The following SLC39A12 variants were observed in gnomAD, a reference collection of about 807,000 sequenced individuals.
SLC39A12 encodes solute carrier family 39 member 12, also known as zinc transporter ZIP12.
A neutral mutation model predicts 71.1 loss-of-function variants in SLC39A12; 63 were observed. That is an observed-to-expected ratio of 0.89 (90% CI 0.72 to 1.09). The LOEUF (loss-of-function observed/expected upper bound fraction) is 1.09. Among genes scored for constraint, SLC39A12 ranks in the 50% least tolerant of loss-of-function variants. The pLI, the probability that SLC39A12 is intolerant of heterozygous loss-of-function variation, is 0.00. For synonymous variants in SLC39A12, 351 were observed against 301.3 expected, an observed-to-expected ratio of 1.16 and a Z score of -1.71; for missense variants, 892 against 812.6, an observed-to-expected ratio of 1.10 and a Z score of -1.19.
At chr10:17,994,237 C>G (rs1321669743) in intron 9 of SLC39A12, among the ~76,000 whole-genome samples, 1 of 152,110 alleles carries the variant, frequency 6.6e-6, no homozygotes, top group East Asian at 1.9e-4. Context: ...ATGCATATAA[C>G]CAAATCTCTG....
intron 12 of SLC39A12, among the ~76,000 whole-genome samples, chr10:18,037,452 A>G (rs1037716236): frequency 1.3e-5 from 2 of 152,172 alleles, no homozygotes; most frequent in African/African-American, 2.4e-5. Context: ...TATGTTCACT[A>G]CAGTTAGGAG....
chr10:18,013,199 A>G (rs998133967), intron 12 of SLC39A12, among the ~76,000 whole-genome samples: 4 of 151,394 alleles, frequency 2.6e-5, no homozygotes, highest in African/African-American at 9.7e-5. Context: ...TAATAAGCAT[A>G]TTACAGTAAG....
chr10:18,037,429 T>C (rs1050681897), intron 12 of SLC39A12, among the ~76,000 whole-genome samples: 2 of 152,188 alleles, frequency 1.3e-5, no homozygotes, highest in Non-Finnish European at 2.9e-5. Context: ...GAATTGATCT[T>C]TGCAGTTCTT....
intron 2 of SLC39A12, among the ~76,000 whole-genome samples, chr10:17,958,106 T>C (rs1028682549): frequency 6.6e-5 from 10 of 152,210 alleles, no homozygotes; most frequent in Admixed American, 1.3e-4. Context: ...ACGATTATAG[T>C]GCGGACCCTG....
At chr10:17,960,220 A>G (rs552149690) in intron 2 of SLC39A12, among the ~76,000 whole-genome samples, 1 of 152,322 alleles carries the variant, frequency 6.6e-6, no homozygotes, top group Non-Finnish European at 1.5e-5. Flanking sequence ...GTTCGTTTGT[A>G]TAGGTTCATC....
intron 6 of SLC39A12, among the ~76,000 whole-genome samples, chr10:17,987,149 C>A (rs148604013): frequency 2.0e-5 from 3 of 151,898 alleles, no homozygotes; most frequent in Admixed American, 6.6e-5. Flanking sequence ...GGGAACATGA[C>A]GAAACCCCAT....
intron 6 of SLC39A12, among the ~76,000 whole-genome samples, 196 bp downstream of exon 6, chr10:17,981,679 A>C (rs1008330726): frequency 6.6e-6 from 1 of 152,198 alleles, no homozygotes; most frequent in Admixed American, 6.5e-5. Flanking sequence ...AGGCACAGAG[A>C]GATTAAGTGA....
chr10:17,993,288 G>C lies in SLC39A12; in HGVS notation c.1530G>C (p.Gln510His). ...GAGGCAAATCTGCTTCAACTATCCA[G>C]TTGGTAGGTTCCTGATCTGAAGCAT... is the stretch of plus-strand genomic sequence containing the variant. Reference protein sequence around the residue: ...AGRGKSASTIQLKSPEDSQAA... With the variant: ...AGRGKSASTIHLKSPEDSQAA... Residue 510 changes from glutamine (Q) to histidine (H), a missense_variant, in exon 9 of 13, where the codon CAG (glutamine) becomes CAC (histidine). Gln to His is a conservative substitution (Grantham distance 24, BLOSUM62 0). Coordinates refer to ENST00000377369, the MANE Select transcript of SLC39A12 (RefSeq NM_001145195.2). 6.5e-7 allele frequency: 1 copy of C among 1,545,840 alleles called. No homozygotes were observed. The highest frequency in any genetic ancestry group is 2.0e-5 in the Admixed American group (1 of 50,942).
chr10:17,979,351 C>A (rs1444333506), intron 5 of SLC39A12, among the ~76,000 whole-genome samples: 1 of 152,186 alleles, frequency 6.6e-6, no homozygotes, highest in Non-Finnish European at 1.5e-5. Context: ...ACCTTACTCT[C>A]TGAGAAGGTA....
chr10:17,996,232 T>A (rs1436540574), intron 10 of SLC39A12, among the ~76,000 whole-genome samples: 4 of 149,638 alleles, frequency 2.7e-5, no homozygotes, highest in Non-Finnish European at 5.9e-5. Flanking sequence ...AATTTTTAAT[T>A]AACAAAGCTT....
At chr10:17,981,248 A>C (rs965528268) in intron 5 of SLC39A12, 64 bp from the exon 6 acceptor site, 10 of 1,423,678 alleles carry the variant, frequency 7.0e-6, no homozygotes, top group Non-Finnish European at 9.6e-6. Context: ...AAGGATGACA[A>C]CTGGTGGAGA....
In SLC39A12 at chr10:18,003,307, G is replaced by A; in HGVS notation, c.1896G>A (p.Trp632Ter). The change falls in exon 12 of 13, where the codon TGG becomes TGA. Residue 632 changes from tryptophan (W) to a stop codon, truncating the protein, a stop_gained. Coordinates refer to ENST00000377369, the MANE Select transcript of SLC39A12 (RefSeq NM_001145195.2). LOFTEE classifies it high-confidence loss of function. ...SVSADPCVQDWIFTVTAGMFL... is the reference protein window; with the variant it reads ...SVSADPCVQD ...CAGCTGATCCATGTGTTCAAGACTGGATCTTCACAGTCACTGCTGGGATGT... is the reference window on the plus strand; with the variant it reads ...CAGCTGATCCATGTGTTCAAGACTGAATCTTCACAGTCACTGCTGGGATGT... 1 of 1,613,946 alleles carries A rather than the reference G, an allele frequency of 6.2e-7. No homozygotes were observed. The highest frequency in any genetic ancestry group is 8.5e-7 in the Non-Finnish European group (1 of 1,179,968).
At chr10:17,990,919 C>G (rs35540736) in intron 7 of SLC39A12, among the ~76,000 whole-genome samples, 46,407 of 152,010 alleles carry the variant, frequency 0.31, 8,187 homozygotes, top group Non-Finnish European at 0.4. Context: ...TCAAAGCTCT[C>G]TTTTGTTTTT....
chr10:17,980,867 C>T (rs1342314554), intron 5 of SLC39A12, among the ~76,000 whole-genome samples: 1 of 152,172 alleles, frequency 6.6e-6, no homozygotes, highest in Non-Finnish European at 1.5e-5. Context: ...ACGTTGCCTA[C>T]ACAGGCTGAC....
At chr10:17,954,717 C>T (rs1396378339) in intron 2 of SLC39A12, among the ~76,000 whole-genome samples, 4 of 151,756 alleles carry the variant, frequency 2.6e-5, no homozygotes, top group Non-Finnish European at 1.5e-5. Flanking sequence ...TTTTTTAGGA[C>T]GAACCCATAA....
chr10:17,960,865 TGATTACATGG>T (rs2130777999), intron 2 of SLC39A12, among the ~76,000 whole-genome samples: 1 of 152,334 alleles, frequency 6.6e-6, no homozygotes. Flanking sequence ...TTAAAAATTT[TGATTACATGG>T]TAAAATAATT....
At chr10:18,015,374 TGTGAATAA>T (rs1397427855) in intron 12 of SLC39A12, among the ~76,000 whole-genome samples, 1 of 152,194 alleles carries the variant, frequency 6.6e-6, no homozygotes, top group Non-Finnish European at 1.5e-5. Context: ...GTTCTCAATA[TGTGAATAA>T]GTGAATACTC....
intron 12 of SLC39A12, among the ~76,000 whole-genome samples, chr10:18,014,843 C>G (rs558515120): frequency 6.6e-6 from 1 of 152,278 alleles, no homozygotes; most frequent in African/African-American, 2.4e-5. Context: ...GTTTACAAAT[C>G]TGATGCATCT....
At chr10:17,979,833 T>G (rs1835208132) in intron 5 of SLC39A12, among the ~76,000 whole-genome samples, 2 of 152,166 alleles carry the variant, frequency 1.3e-5, no homozygotes, top group Non-Finnish European at 2.9e-5. Flanking sequence ...GCACCATCTG[T>G]GGCTTTGCTG....
Sources: gnomAD v4.1 joint callset for allele counts (sites outside exome capture counted in the v4.1 genomes callset) on GRCh38, gnomAD v4.1.1 for gene constraint, MANE v1.5 for transcripts, NCBI Gene and HGNC (gene_info 2026-07-23, HGNC 2026-07-21) for gene names.